SLCO3A1: variants seen among roughly 807,000 people sequenced by gnomAD.
SLCO3A1 encodes the protein solute carrier organic anion transporter family member 3A1.
SLCO3A1 carries 27 observed loss-of-function variants against 63.1 expected under a neutral mutation model. That is an observed-to-expected ratio of 0.43 (90% CI 0.32 to 0.59). SLCO3A1 has a LOEUF of 0.59. Among genes scored for constraint, SLCO3A1 ranks in the 20% least tolerant of loss-of-function variants. The probability of loss-of-function intolerance (pLI) is 0.09; values close to 1 mark genes in which losing one functional copy is unlikely to be tolerated. For synonymous variants in SLCO3A1, 473 were observed against 409.9 expected (o/e 1.15, Z -1.86); for missense variants, 773 against 945.8 (o/e 0.82, Z 2.40).
Position 91,875,199 on chromosome 15 carries a change from C to T in SLCO3A1, c.180+21111C>T, listed in dbSNP as rs1318729431. Reference sequence around the variant, plus strand: ...ATTTACTGAGCATCCGCTGTGTGTACCTGACACATGTCATCTCATTTAGTC... The same window carrying T: ...ATTTACTGAGCATCCGCTGTGTGTATCTGACACATGTCATCTCATTTAGTC... On this transcript the variant is annotated intron_variant, in intron 1 of 9. Transcript: ENST00000318445. This position sits in a 1 kb window ranked among gnomAD's most constrained non-coding sequence, Gnocchi z 4.5. Among the ~76,000 whole-genome samples, 2 of 152,172 alleles carry T rather than the reference C, an allele frequency of 1.3e-5. No individual in the cohort carries two copies. Among genetic ancestry groups the T allele is most frequent in the African/African-American group, 4.8e-5 (2 of 41,432 alleles).
At chr15:92,062,056 C>G (rs927922455) in intron 2 of SLCO3A1, among the ~76,000 whole-genome samples, 1 of 152,188 alleles carries the variant, frequency 6.6e-6, no homozygotes, top group African/African-American at 2.4e-5. Context: ...GCCCCGGGCC[C>G]CTCCTGGAGG....
intron 2 of SLCO3A1, among the ~76,000 whole-genome samples, chr15:92,050,603 C>T (rs2046945265): frequency 1.3e-5 from 2 of 152,206 alleles, no homozygotes; most frequent in South Asian, 4.1e-4. Flanking sequence ...CAACCCATTA[C>T]ATCTCTATCT....
intron 2 of SLCO3A1, among the ~76,000 whole-genome samples, chr15:91,979,721 T>C (rs371630837): frequency 6.6e-6 from 1 of 152,252 alleles, no homozygotes; most frequent in East Asian, 1.9e-4. Flanking sequence ...ATAATAATAG[T>C]ATCTATGTCC....
intron 2 of SLCO3A1, among the ~76,000 whole-genome samples, chr15:92,059,084 G>C (rs8032656): frequency 0.61 from 92,579 of 152,012 alleles, 28,423 homozygotes; most frequent in Admixed American, 0.71. Context: ...CTCTGTCACT[G>C]CTCTGTCATG....
chr15:92,168,017 T>G (rs910844961), downstream of SLCO3A1, among the ~76,000 whole-genome samples: 2 of 152,248 alleles, frequency 1.3e-5, no homozygotes, highest in African/African-American at 4.8e-5. Context: ...TACTTAAAAT[T>G]TTGGCTATAT....
Position 91,854,373 on chromosome 15 carries a change from A to C in SLCO3A1, c.180+285A>C. ...GAGAGGCGGCGGGCAGGTGGGCGTG[A>C]AACTATTCCTCTCCCCCCATAAGAG... On this transcript the variant is annotated intron_variant, in intron 1 of 9. Coordinates refer to ENST00000318445, the MANE Select transcript of SLCO3A1 (RefSeq NM_013272.4). The surrounding 1 kb of genome is among the most constrained non-coding windows in gnomAD (Gnocchi z 6.4). 9.2e-7 allele frequency: 1 copy of C among 1,087,164 alleles called. No homozygotes were observed. The highest frequency in any genetic ancestry group is 1.1e-6 in the Non-Finnish European group (1 of 896,196). The allele number at this position is 1,087,164 out of a possible 1,614,324, so 67.3% of individuals were successfully genotyped here.
intron 1 of SLCO3A1, among the ~76,000 whole-genome samples, chr15:91,907,942 CAGAG>C (rs1567180095): frequency 6.6e-6 from 1 of 151,916 alleles, no homozygotes; most frequent in African/African-American, 2.4e-5. Context: ...TACAGAGGCC[CAGAG>C]AGAGAGAGCC....
intron 5 of SLCO3A1, among the ~76,000 whole-genome samples, chr15:92,123,070 G>C (rs968631101): frequency 6.6e-6 from 1 of 152,158 alleles, no homozygotes; most frequent in African/African-American, 2.4e-5. Context: ...AGATGCAAAA[G>C]TTCATCAGGC....
intron 2 of SLCO3A1, among the ~76,000 whole-genome samples, chr15:92,070,180 T>C (rs1217149978): frequency 1.3e-5 from 2 of 152,234 alleles, no homozygotes; most frequent in East Asian, 3.9e-4. Context: ...GTTTCCTGGC[T>C]TTCAAAATGG....
chr15:92,040,259 T>G (rs1307445523), intron 2 of SLCO3A1, among the ~76,000 whole-genome samples: 1 of 152,204 alleles, frequency 6.6e-6, no homozygotes, highest in East Asian at 1.9e-4. Flanking sequence ...CCAGCTTCAT[T>G]AATACTAATT....
At chr15:92,156,063 A>G (rs79816312) in intron 9 of SLCO3A1, among the ~76,000 whole-genome samples, 8,589 of 152,226 alleles carry the variant, frequency 0.056, 329 homozygotes, top group South Asian at 0.086. Context: ...CTACTCTGGA[A>G]AAGTACATCC....
intron 7 of SLCO3A1, 40 bp from the exon 8 acceptor site, chr15:92,146,944 A>C: frequency 6.4e-7 from 1 of 1,551,492 alleles, no homozygotes. Flanking sequence ...TGGAAACCGG[A>C]AGTACCCCCA....
intron 1 of SLCO3A1, among the ~76,000 whole-genome samples, chr15:91,866,586 A>G (rs929663102): frequency 1.1e-4 from 16 of 150,734 alleles, no homozygotes; most frequent in Non-Finnish European, 1.6e-4. Flanking sequence ...AAAAAAAAAA[A>G]AAAAAGAAAA....
intron 7 of SLCO3A1, among the ~76,000 whole-genome samples, chr15:92,134,040 T>C (rs2048027220): frequency 6.6e-6 from 1 of 152,218 alleles, no homozygotes; most frequent in South Asian, 2.1e-4. Context: ...AGTTGGAAGA[T>C]AGCTATCATG....
At chr15:92,125,877 C>G (rs2047915538) in intron 5 of SLCO3A1, among the ~76,000 whole-genome samples, 184 bp from the exon 6 acceptor site, 1 of 151,870 alleles carries the variant, frequency 6.6e-6, no homozygotes, top group African/African-American at 2.4e-5. Context: ...CCCCAGTTCT[C>G]CATGAGCTCC....
chr15:91,967,558 C>T lies in SLCO3A1; in HGVS notation c.646+51100C>T, dbSNP rs1597168187. On this transcript the variant is annotated intron_variant, in intron 2 of 9. Coordinates refer to ENST00000318445, the MANE Select transcript of SLCO3A1 (RefSeq NM_013272.4). This position sits in a 1 kb window ranked among gnomAD's most constrained non-coding sequence, Gnocchi z 4.4. Reference sequence around the variant, plus strand: ...GTTGCCACAGGATAAAGACAGCACTCGACATATAATAAAAATCAATATGGA... The same window carrying T: ...GTTGCCACAGGATAAAGACAGCACTTGACATATAATAAAAATCAATATGGA... 1.3e-5 allele frequency among the ~76,000 whole-genome samples: 2 copies of T among 152,126 alleles called. No homozygotes were observed. Among genetic ancestry groups the T allele is most frequent in the African/African-American group, 2.4e-5 (1 of 41,416 alleles).
In SLCO3A1 at chr15:91,954,876, G is replaced by A. The variant is rs372797798; in HGVS notation, c.646+38418G>A. On this transcript the variant is annotated intron_variant, in intron 2 of 9. Transcript: ENST00000318445. The surrounding 1 kb of genome is among the most constrained non-coding windows in gnomAD (Gnocchi z 4.7). ...CCGCTGCTTTCTGCCACTGCCCAAG[G>A]GCTGGACAGCACCACCCCTCCTAAT... Among the ~76,000 whole-genome samples the A allele has an allele frequency of 1.3e-5, 2 of 152,140 alleles. No individual in the cohort carries two copies. The highest frequency in any genetic ancestry group is 4.8e-5 in the African/African-American group (2 of 41,506).
chr15:92,101,525 T>C (rs1271673316), intron 3 of SLCO3A1, among the ~76,000 whole-genome samples: 1 of 151,330 alleles, frequency 6.6e-6, no homozygotes, highest in Admixed American at 6.6e-5. Flanking sequence ...AAAAAAAAAT[T>C]AGTATTTGTT....
intron 2 of SLCO3A1, among the ~76,000 whole-genome samples, chr15:91,955,307 C>A (rs1430284700): frequency 2.9e-4 from 44 of 151,924 alleles, no homozygotes; most frequent in Non-Finnish European, 2.9e-5. Context: ...CTATGCTGGG[C>A]TGCTTTTCAT....
Sources: allele counts gnomAD v4.1 joint callset (sites outside exome capture counted in the v4.1 genomes callset), GRCh38; gene constraint gnomAD v4.1.1; non-coding constraint Gnocchi (gnomAD v3.1); transcripts MANE v1.5; gene names NCBI Gene and HGNC (gene_info 2026-07-23, HGNC 2026-07-21).